AFF2: variants seen among roughly 807,000 people sequenced by gnomAD.
AFF2 encodes ALF transcription elongation factor 2.
Under a neutral mutation model 76.9 loss-of-function variants are expected in AFF2, and 14 were observed. That is an observed-to-expected ratio of 0.18 (90% CI 0.12 to 0.28). The LOEUF is 0.28. AFF2 is among the 10% of genes least tolerant of loss of function. The pLI is 1.00. For synonymous variants in AFF2, 398 were observed against 366.7 expected, an observed-to-expected ratio of 1.09 and a Z score of -0.98; for missense variants, 868 against 1,001.1, an observed-to-expected ratio of 0.87 and a Z score of 1.79.
intron 1 of AFF2, among the ~76,000 whole-genome samples, chrX:148,590,768 A>C (rs2053515593): frequency 8.9e-6 from 1 of 112,085 alleles, no homozygotes; most frequent in Admixed American, 9.4e-5. Flanking sequence ...TTCCTTAGGA[A>C]ATGTTTCCTA....
chrX:148,942,483 A>G (rs782283352), intron 9 of AFF2, among the ~76,000 whole-genome samples: 1 of 111,577 alleles, frequency 9.0e-6, no homozygotes, highest in East Asian at 2.8e-4. Flanking sequence ...CAAAGCTTTT[A>G]GTTCACCAGG....
intron 3 of AFF2, among the ~76,000 whole-genome samples, chrX:148,728,366 G>A (rs1264556944): frequency 1.8e-5 from 2 of 112,351 alleles, no homozygotes; most frequent in African/African-American, 6.5e-5. Context: ...TGAAGCAGAC[G>A]ATGGGTGGGT....
intron 3 of AFF2, among the ~76,000 whole-genome samples, chrX:148,676,342 G>A (rs782787519): frequency 8.1e-5 from 9 of 111,637 alleles, no homozygotes; most frequent in South Asian, 7.5e-4. Flanking sequence ...CACCACGCCC[G>A]GCCCGTGATT....
intron 20 of AFF2, among the ~76,000 whole-genome samples, chrX:148,989,603 T>G (rs966874723): frequency 8.9e-6 from 1 of 112,489 alleles, no homozygotes; most frequent in African/African-American, 3.2e-5. Flanking sequence ...CTACTTAGCT[T>G]TGGGGATTCT....
At chrX:148,713,851 C>T (rs1165382828) in intron 3 of AFF2, among the ~76,000 whole-genome samples, 2 of 111,762 alleles carry the variant, frequency 1.8e-5, no homozygotes, top group Admixed American at 1.9e-4. Context: ...AGTAGCATGT[C>T]TTGTAGGGGC....
intron 1 of AFF2, among the ~76,000 whole-genome samples, chrX:148,543,282 T>C (rs2052880996): frequency 8.9e-6 from 1 of 111,996 alleles, no homozygotes; most frequent in Admixed American, 9.5e-5. Context: ...ATAGGCTTGG[T>C]TCATTGAAAT....
intron 1 of AFF2, among the ~76,000 whole-genome samples, chrX:148,619,173 C>T (rs1023856953): frequency 2.7e-5 from 3 of 111,721 alleles, no homozygotes; most frequent in Non-Finnish European, 5.7e-5. Flanking sequence ...TACAATCCCT[C>T]ATGGCTTTCA....
intron 1 of AFF2, among the ~76,000 whole-genome samples, chrX:148,614,753 T>TCCTTC (rs2053776842): frequency 1.4e-5 from 1 of 71,665 alleles, no homozygotes; most frequent in Non-Finnish European, 2.5e-5. Context: ...TTTCTTTCTT[T>TCCTTC]CTTTCTTTCT....
chrX:148,800,023 G>A (rs2070036250), intron 3 of AFF2, among the ~76,000 whole-genome samples: 1 of 111,996 alleles, frequency 8.9e-6, no homozygotes, highest in Non-Finnish European at 1.9e-5. Flanking sequence ...GTAAGTGGGC[G>A]CAGATCTAAG....
chrX:148,624,415 G>A (rs894246330), intron 1 of AFF2, among the ~76,000 whole-genome samples: 8 of 111,621 alleles, frequency 7.2e-5, no homozygotes, highest in Admixed American at 6.7e-4. Flanking sequence ...CCATATTACC[G>A]GCATTATTTT....
chrX:148,693,480 A>C (rs1331134840), intron 3 of AFF2, among the ~76,000 whole-genome samples: 1 of 112,284 alleles, frequency 8.9e-6, no homozygotes, highest in African/African-American at 3.2e-5. Context: ...TTTGCATCTT[A>C]TGGAAACCTG....
intron 3 of AFF2, among the ~76,000 whole-genome samples, chrX:148,715,920 C>T (rs1603285649): frequency 8.9e-6 from 1 of 111,787 alleles, no homozygotes; most frequent in East Asian, 2.8e-4. Flanking sequence ...TGCCCTTTTG[C>T]TTCTGTCTGA....
chrX:148,639,734 TAAACATGGCTCAAA>T, intron 1 of AFF2, among the ~76,000 whole-genome samples: 1 of 111,975 alleles, frequency 8.9e-6, no homozygotes, highest in South Asian at 3.7e-4. Flanking sequence ...ATGCAAAGGA[TAAACATGGCTCAAA>T]TTGAGTCCAA....
chrX:148,558,405 A>T (rs1213415666), intron 1 of AFF2, among the ~76,000 whole-genome samples: 1 of 111,066 alleles, frequency 9.0e-6, no homozygotes, highest in Non-Finnish European at 1.9e-5. Flanking sequence ...CCTTCTTAAC[A>T]TGCTGCACCT....
At chrX:148,661,575 C>A (rs2054305325) in intron 2 of AFF2, among the ~76,000 whole-genome samples, 2 of 111,822 alleles carry the variant, frequency 1.8e-5, no homozygotes, top group Admixed American at 1.9e-4. Context: ...TAGAATGTAG[C>A]AATTCAGCTC....
At position 148,586,229 on chromosome X, in the gene AFF2, G is replaced by T. The variant is rs953217942; in HGVS notation, c.48-65770G>T. On this transcript the variant is annotated intron_variant, in intron 1 of 20. Coordinates refer to ENST00000370460, the MANE Select transcript of AFF2 (RefSeq NM_002025.4). ...GTGTATTAACTAGGCTTGAATTATA[G>T]GTTTATACATACTTGGAAAAACTTC... Among the ~76,000 whole-genome samples, 49 of 111,258 alleles carry T rather than the reference G, an allele frequency of 4.4e-4. 1 individual carries two copies. Among genetic ancestry groups the T allele is most frequent in the Non-Finnish European group, 1.9e-5 (1 of 53,038 alleles).
intron 9 of AFF2, among the ~76,000 whole-genome samples, chrX:148,919,557 A>T (rs1557282984): frequency 9.1e-6 from 1 of 109,974 alleles, no homozygotes; most frequent in Non-Finnish European, 1.9e-5. Context: ...ATAAATATAT[A>T]ATTTATTTAT....
chrX:148,641,797 C>T (rs193128631), intron 1 of AFF2, among the ~76,000 whole-genome samples: 5 of 111,702 alleles, frequency 4.5e-5, no homozygotes, highest in Non-Finnish European at 9.4e-5. Flanking sequence ...CTGCCTTTAC[C>T]TTCACATAGA....
At chrX:148,737,837 G>A (rs1351454655) in intron 3 of AFF2, among the ~76,000 whole-genome samples, 1 of 111,288 alleles carries the variant, frequency 9.0e-6, no homozygotes, top group Non-Finnish European at 1.9e-5. Context: ...AGCGATGTTG[G>A]GTTTTGCTGA....
Sources: gnomAD v4.1 joint callset for allele counts (sites outside exome capture counted in the v4.1 genomes callset) on GRCh38, gnomAD v4.1.1 for gene constraint, MANE v1.5 for transcripts, NCBI Gene and HGNC (gene_info 2026-07-23, HGNC 2026-07-21) for gene names.